Variants in SNX1 observed in about 807,000 individuals in gnomAD.
The protein encoded by SNX1 is sorting nexin-1.
Under a neutral mutation model 71.8 loss-of-function variants are expected in SNX1, and 36 were observed. The ratio of observed to expected loss-of-function variants is 0.50; its 90% confidence interval spans 0.38 to 0.66. The LOEUF (loss-of-function observed/expected upper bound fraction) is 0.66. Among genes scored for constraint, SNX1 ranks in the 30% least tolerant of loss-of-function variants. SNX1 has a pLI of 0.00. For synonymous variants in SNX1, 254 were observed against 240.7 expected (o/e 1.06, Z -0.51); for missense variants, 612 against 646.7 (o/e 0.95, Z 0.58).
Position 64,143,270 on chromosome 15 carries a change from G to C in SNX1, c.*5652G>C, listed in dbSNP as rs1258771890. ...GTTTGGACAGGGTCGTGCCTGATCT[G>C]AGATAAATGGACAAGAACAACTGAA... On this transcript the variant is annotated 3_prime_UTR_variant, in exon 15 of 15. Coordinates refer to ENST00000559844, the MANE Select transcript of SNX1 (RefSeq NM_003099.5). 6.6e-6 allele frequency: 1 copy of C among 152,340 alleles called. No individual in the cohort carries two copies. The highest frequency in any genetic ancestry group is 6.5e-5 in the Admixed American group (1 of 15,292). The allele number at this position is 152,340 out of a possible 1,614,324, so 9.4% of individuals were successfully genotyped here. A position where few individuals can be genotyped will look rare whatever the true frequency, so the allele number is the denominator to read the frequency against.
In SNX1 at chr15:64,123,528, C is replaced by G; in HGVS notation, c.492C>G (p.Ala164=). The G allele has an allele frequency of 6.2e-7, 1 of 1,614,014 alleles. No individual in the cohort carries two copies. The highest frequency in any genetic ancestry group is 8.5e-7 in the Non-Finnish European group (1 of 1,179,886). ...GGGATGGTATGAATGCATATGTAGCCTACAAAGTTACAACACAGGTGAGTC... is the reference window on the plus strand; with the variant it reads ...GGGATGGTATGAATGCATATGTAGCGTACAAAGTTACAACACAGGTGAGTC... ...KIGDGMNAYV[A]YKVTTQTSLP... Residue 164 remains alanine, a synonymous_variant, in exon 5 of 15, where the codon GCC becomes GCG. Transcript: ENST00000559844.
At chr15:64,115,465 C>G in intron 2 of SNX1, 1 of 321,930 alleles carries the variant, frequency 3.1e-6, no homozygotes, top group Non-Finnish European at 6.0e-6. Context: ...TTTTCCAGTA[C>G]TCTTAACAGG....
At chr15:64,130,130 A>C (rs2081291657) in intron 9 of SNX1, 98 bp from the exon 10 acceptor site, 2 of 1,463,604 alleles carry the variant, frequency 1.4e-6, no homozygotes, top group Admixed American at 1.8e-5. Flanking sequence ...CTTTTTTATA[A>C]GATTTTTCAG....
At chr15:64,136,031 A>G (rs1018313346) in intron 12 of SNX1, among the ~76,000 whole-genome samples, 3 of 152,220 alleles carry the variant, frequency 2.0e-5, no homozygotes, top group African/African-American at 4.8e-5. Flanking sequence ...CAGGCCTTTC[A>G]GCCCTGCTGG....
chr15:64,127,375 A>C, intron 7 of SNX1, 123 bp downstream of exon 7: 1 of 727,266 alleles, frequency 1.4e-6, no homozygotes, highest in Non-Finnish European at 2.3e-6. Context: ...GAAGTTGCAC[A>C]CCTCCATATT....
In SNX1 at chr15:64,140,962, T is replaced by C. The variant is rs1037591874; in HGVS notation, c.*3344T>C. 1.3e-5 allele frequency: 1 copy of C among 79,634 alleles called. No individual in the cohort carries two copies. Among genetic ancestry groups the C allele is most frequent in the Non-Finnish European group, 2.6e-5 (1 of 38,390 alleles). 4.9% of individuals were successfully genotyped at this position (79,634 alleles called of 1,614,324 possible). ...CTGGAATGTCATTGCCTCTAGGCTC[T>C]CACCATACAGTGCAAAGAGATGATA... is the stretch of plus-strand genomic sequence containing the variant. On this transcript the variant is annotated 3_prime_UTR_variant, in exon 15 of 15. Coordinates refer to ENST00000559844, the MANE Select transcript of SNX1 (RefSeq NM_003099.5).
At chr15:64,126,248 G>C (rs73448942) in intron 6 of SNX1, 28 bp downstream of exon 6, 1 of 1,604,486 alleles carries the variant, frequency 6.2e-7, no homozygotes, top group East Asian at 2.2e-5. Context: ...CATTCCACTT[G>C]GATTGTTTTC....
chr15:64,134,966 C>T lies in SNX1; in HGVS notation c.1365+159C>T. The T allele has an allele frequency of 1.2e-6, 1 of 860,208 alleles. No individual in the cohort carries two copies. The highest frequency in any genetic ancestry group is 1.7e-6 in the Non-Finnish European group (1 of 572,160). 53.3% of individuals were successfully genotyped at this position (860,208 alleles called of 1,614,324 possible). On this transcript the variant is annotated intron_variant, in intron 12 of 14. Transcript: ENST00000559844. The surrounding 1 kb of genome is among the most constrained non-coding windows in gnomAD (Gnocchi z 4.1). Reference sequence around the variant, plus strand: ...GGAAGCCTCTGAGAATGACTCCAGGCCTTCCTGAGGCCTAGTCCCCCTGTT... The same window carrying T: ...GGAAGCCTCTGAGAATGACTCCAGGTCTTCCTGAGGCCTAGTCCCCCTGTT...
intron 11 of SNX1, among the ~76,000 whole-genome samples, chr15:64,133,197 A>G (rs2081324500): frequency 6.6e-6 from 1 of 152,234 alleles, no homozygotes; most frequent in African/African-American, 2.4e-5. Context: ...AGAGAAGAGC[A>G]AAGGTTTCTT....
intron 10 of SNX1, among the ~76,000 whole-genome samples, chr15:64,130,970 G>T (rs903405783): frequency 6.6e-6 from 1 of 152,190 alleles, no homozygotes; most frequent in African/African-American, 2.4e-5. Context: ...AGCAGACTAT[G>T]TGTAGCCTTC....
At chr15:64,121,042 T>G (rs1366781000) in intron 4 of SNX1, among the ~76,000 whole-genome samples, 2 of 152,182 alleles carry the variant, frequency 1.3e-5, no homozygotes. Flanking sequence ...TTGGATTATA[T>G]GTCTAGATTC....
chr15:64,116,380 A>C (rs1322454152), intron 2 of SNX1, among the ~76,000 whole-genome samples: 1 of 152,154 alleles, frequency 6.6e-6, no homozygotes, highest in Non-Finnish European at 1.5e-5. Flanking sequence ...TGTGTTGTTC[A>C]AGGGTCAACT....
chr15:64,127,953 A>G, intron 8 of SNX1, 147 bp downstream of exon 8: 1 of 618,926 alleles, frequency 1.6e-6, no homozygotes, highest in South Asian at 2.1e-5. Flanking sequence ...AGTGACAAGT[A>G]TTTTTCAGCC....
At chr15:64,133,691 C>T (rs909068496) in intron 11 of SNX1, among the ~76,000 whole-genome samples, 2 of 152,194 alleles carry the variant, frequency 1.3e-5, no homozygotes, top group African/African-American at 4.8e-5. Context: ...GCCAAGATCG[C>T]GCCATTGCAC....
chr15:64,122,189 A>T (rs548421813), intron 4 of SNX1, among the ~76,000 whole-genome samples: 11 of 151,754 alleles, frequency 7.2e-5, no homozygotes, highest in African/African-American at 2.7e-4. Context: ...TATGGGATTG[A>T]CTTCTTGGAC....
intron 10 of SNX1, among the ~76,000 whole-genome samples, chr15:64,130,840 G>A (rs919809476): frequency 2.6e-5 from 4 of 152,216 alleles, no homozygotes; most frequent in Non-Finnish European, 4.4e-5. Context: ...GGGTAAGTAA[G>A]GGTTGGCAAA....
intron 9 of SNX1, 22 bp downstream of exon 9, chr15:64,130,051 AC>A: frequency 6.4e-7 from 1 of 1,561,542 alleles, no homozygotes; most frequent in Non-Finnish European, 8.8e-7. Flanking sequence ...TGTGCCTCTT[AC>A]CTCCACCTAC....
At chr15:64,131,944 C>T in intron 11 of SNX1, 52 bp downstream of exon 11, 2 of 1,579,852 alleles carry the variant, frequency 1.3e-6, no homozygotes, top group South Asian at 1.1e-5. Flanking sequence ...TTTGTTTTTC[C>T]TTTGCTGGTC....
At chr15:64,106,449 C>T (rs913633301) in intron 1 of SNX1, among the ~76,000 whole-genome samples, 2 of 152,196 alleles carry the variant, frequency 1.3e-5, no homozygotes, top group Non-Finnish European at 2.9e-5. Context: ...AGTTTTGAAA[C>T]GTGGTGGGAG....
Sources: allele counts gnomAD v4.1 joint callset (sites outside exome capture counted in the v4.1 genomes callset), GRCh38; gene constraint gnomAD v4.1.1; non-coding constraint Gnocchi (gnomAD v3.1); transcripts MANE v1.5; gene names NCBI Gene and HGNC (gene_info 2026-07-23, HGNC 2026-07-21).